Variants in GNAQ observed in about 807,000 individuals in gnomAD.
The protein encoded by GNAQ is G protein subunit alpha q.
Under a neutral mutation model 43.9 loss-of-function variants are expected in GNAQ, and 8 were observed. The ratio of observed to expected loss-of-function variants is 0.18; its 90% CI spans 0.11 to 0.33. GNAQ has a LOEUF of 0.33. Ranked by LOEUF, GNAQ falls within the 10% of genes least tolerant of loss-of-function variation. GNAQ has a pLI of 1.00. For synonymous variants in GNAQ, 155 were observed against 170.7 expected (o/e 0.91, Z 0.71); for missense variants, 158 against 450.8 (o/e 0.35, Z 5.88).
chr9:77,925,366 T>C (rs1829056418), intron 1 of GNAQ, among the ~76,000 whole-genome samples: 4 of 152,204 alleles, frequency 2.6e-5, no homozygotes, highest in African/African-American at 7.2e-5. Context: ...GACACACTTC[T>C]GGAAGCCAAT....
Position 78,031,084 on chromosome 9 carries a change from C to A in GNAQ, c.136+16G>T. The A allele has an allele frequency of 6.8e-7, 1 of 1,480,118 alleles. No homozygotes were observed. The highest frequency in any genetic ancestry group is 1.3e-5 in the South Asian group (1 of 77,260). 91.7% of individuals were successfully genotyped at this position (1,480,118 alleles called of 1,614,324 possible). A position where few individuals can be genotyped will look rare whatever the true frequency, so the allele number is the denominator to read the frequency against. On this transcript the variant is annotated intron_variant, in intron 1 of 6. Coordinates refer to ENST00000286548, the MANE Select transcript of GNAQ (RefSeq NM_002072.5). Reference sequence around the variant, plus strand: ...TGGGGGCGCAGAGGCCCGGCGGGGCCCCGGACGGTACTCACCGAGCAGCAG... The same window carrying A: ...TGGGGGCGCAGAGGCCCGGCGGGGCACCGGACGGTACTCACCGAGCAGCAG...
chr9:78,021,190 T>C (rs1823905050), intron 1 of GNAQ, among the ~76,000 whole-genome samples: 1 of 151,820 alleles, frequency 6.6e-6, no homozygotes, highest in African/African-American at 2.4e-5. Flanking sequence ...CACGCCCAGC[T>C]AATTTTTGTA....
chr9:77,930,674 A>G (rs1026195010), intron 1 of GNAQ, among the ~76,000 whole-genome samples: 2 of 152,196 alleles, frequency 1.3e-5, no homozygotes, highest in African/African-American at 4.8e-5. Flanking sequence ...TTACTAAAAA[A>G]CTTTTTCTCA....
chr9:77,763,963 C>G (rs747917746), intron 5 of GNAQ, among the ~76,000 whole-genome samples: 1 of 152,108 alleles, frequency 6.6e-6, no homozygotes, highest in East Asian at 1.9e-4. Flanking sequence ...TTGTTTTCTT[C>G]GAAGGCTTGG....
At chr9:77,989,562 C>T (rs1328660874) in intron 1 of GNAQ, among the ~76,000 whole-genome samples, 1 of 152,206 alleles carries the variant, frequency 6.6e-6, no homozygotes, top group Non-Finnish European at 1.5e-5. Context: ...AAGAGAGAGA[C>T]CTTTTTGTCT....
chr9:77,845,589 C>G (rs958721584), intron 2 of GNAQ, among the ~76,000 whole-genome samples: 1 of 152,178 alleles, frequency 6.6e-6, no homozygotes, highest in Non-Finnish European at 1.5e-5. Flanking sequence ...ACATAAAGAA[C>G]ACAATTCCAA....
In GNAQ at chr9:77,716,154, G is replaced by T; in HGVS notation, c.*5169C>A. 1 of 194,958 alleles carries T rather than the reference G, an allele frequency of 5.1e-6. No individual in the cohort carries two copies. The highest frequency in any genetic ancestry group is 1.1e-5 in the Non-Finnish European group (1 of 94,324). The allele number at this position is 194,958 out of a possible 1,614,324, so 12.1% of individuals were successfully genotyped here. A position where few individuals can be genotyped will look rare whatever the true frequency, so the allele number is the denominator to read the frequency against. ...ATTTTGGAAAATGCAATATGCACAA[G>T]GTGTGTTAAGGAAGGAAAGATGTAT... On this transcript the variant is annotated 3_prime_UTR_variant, in exon 7 of 7. Transcript: ENST00000286548.
intron 2 of GNAQ, among the ~76,000 whole-genome samples, chr9:77,879,602 A>T (rs1828179554): frequency 6.6e-6 from 1 of 152,222 alleles, no homozygotes; most frequent in Admixed American, 6.5e-5. Flanking sequence ...CAGACTTACT[A>T]CAAAGGCATA....
At chr9:78,024,079 T>C (rs964760602) in intron 1 of GNAQ, among the ~76,000 whole-genome samples, 5 of 152,148 alleles carry the variant, frequency 3.3e-5, no homozygotes, top group African/African-American at 1.2e-4. Flanking sequence ...AATCCTGTAA[T>C]AAAGGTGCAC....
intron 2 of GNAQ, among the ~76,000 whole-genome samples, chr9:77,865,662 G>C (rs1169887514): frequency 6.6e-6 from 1 of 152,156 alleles, no homozygotes; most frequent in Non-Finnish European, 1.5e-5. Context: ...TCCAGGCCCA[G>C]CTCTGCCAGT....
intron 2 of GNAQ, among the ~76,000 whole-genome samples, chr9:77,919,462 T>C (rs1366267670): frequency 6.6e-6 from 1 of 152,018 alleles, no homozygotes; most frequent in African/African-American, 2.4e-5. Flanking sequence ...CTTAGCACTA[T>C]GAGGGGCTGG....
At chr9:77,791,116 T>C (rs1413578493) in intron 5 of GNAQ, among the ~76,000 whole-genome samples, 1 of 152,162 alleles carries the variant, frequency 6.6e-6, no homozygotes, top group Non-Finnish European at 1.5e-5. Flanking sequence ...CTCATGACCA[T>C]TTCAAGATGA....
chr9:77,920,857 G>A (rs750058630), intron 2 of GNAQ, among the ~76,000 whole-genome samples: 43 of 152,292 alleles, frequency 2.8e-4, no homozygotes, highest in Non-Finnish European at 4.9e-4. Context: ...ACAAATGCCT[G>A]ATTTTAAGAT....
intron 1 of GNAQ, among the ~76,000 whole-genome samples, chr9:77,922,712 G>A (rs1829016362): frequency 6.6e-6 from 1 of 152,138 alleles, no homozygotes; most frequent in Non-Finnish European, 1.5e-5. Context: ...TATCTGAAAC[G>A]CTTCCAGGAC....
At chr9:77,870,984 T>G (rs1410555) in intron 2 of GNAQ, among the ~76,000 whole-genome samples, 115,134 of 152,040 alleles carry the variant, frequency 0.76, 43,719 homozygotes, top group Admixed American at 0.83. Flanking sequence ...AATGAACATG[T>G]GAACTTTTTA....
In GNAQ at chr9:77,922,093, C is replaced by T. The variant is rs948401264; in HGVS notation, c.321+68G>A. 8.2e-5 allele frequency: 86 copies of T among 1,054,868 alleles called. No homozygotes were observed. In the African/African-American group the frequency reaches 1.0e-3, roughly 12 times the overall value. The allele number at this position is 1,054,868 out of a possible 1,614,324, so 65.3% of individuals were successfully genotyped here. ...ACTCCAGACATGTCAAGAGGCTACT[C>T]GTGTTGTCACATTATTGTGAACACC... On this transcript the variant is annotated intron_variant, in intron 2 of 6. Coordinates refer to ENST00000286548, the MANE Select transcript of GNAQ (RefSeq NM_002072.5).
intron 2 of GNAQ, among the ~76,000 whole-genome samples, chr9:77,864,832 C>T (rs1827921912): frequency 6.6e-6 from 1 of 152,164 alleles, no homozygotes; most frequent in African/African-American, 2.4e-5. Context: ...CCTTTCAGGC[C>T]TGGGGAGGAA....
At chr9:77,754,604 G>T (rs1486593787) in intron 5 of GNAQ, among the ~76,000 whole-genome samples, 1 of 152,144 alleles carries the variant, frequency 6.6e-6, no homozygotes, top group Non-Finnish European at 1.5e-5. Context: ...GTCATGACCA[G>T]GTAAGTGATG....
At chr9:77,948,265 A>T (rs1401481547) in intron 1 of GNAQ, among the ~76,000 whole-genome samples, 2 of 152,264 alleles carry the variant, frequency 1.3e-5, no homozygotes, top group Admixed American at 1.3e-4. Flanking sequence ...AAAGATAGGT[A>T]ATATTTAAAA....
Sources: gnomAD v4.1 joint callset for allele counts (sites outside exome capture counted in the v4.1 genomes callset) on GRCh38, gnomAD v4.1.1 for gene constraint, MANE v1.5 for transcripts, NCBI Gene and HGNC (gene_info 2026-07-23, HGNC 2026-07-21) for gene names.